The following BLTP3B variants were observed in gnomAD, a reference collection of about 807,000 sequenced individuals.
The protein encoded by BLTP3B is bridge-like lipid transfer protein family member 3B.
chr12:100,083,038 A>C, the BLTP3B span: 1 of 1,613,532 alleles, frequency 6.2e-7, no homozygotes, highest in Non-Finnish European at 8.5e-7. Context: ...GAAATCTGCA[A>C]GTCTAACCAC....
the BLTP3B span, among the ~76,000 whole-genome samples, chr12:100,089,825 A>C: frequency 1.3e-5 from 2 of 152,176 alleles, no homozygotes; most frequent in South Asian, 4.1e-4. Flanking sequence ...CTCATCTTGA[A>C]TGGTAGTCCC....
chr12:100,135,506 T>G, the BLTP3B span, among the ~76,000 whole-genome samples: 1 of 152,040 alleles, frequency 6.6e-6, no homozygotes, highest in East Asian at 1.9e-4. Flanking sequence ...TGGCCTGAAG[T>G]GATCTGCCCG....
At chr12:100,089,631 C>T in the BLTP3B span, among the ~76,000 whole-genome samples, 3 of 152,140 alleles carry the variant, frequency 2.0e-5, no homozygotes, top group East Asian at 5.8e-4. Flanking sequence ...AATATGAACC[C>T]AATATATCTC....
At chr12:100,121,123 G>A in the BLTP3B span, among the ~76,000 whole-genome samples, 2 of 152,136 alleles carry the variant, frequency 1.3e-5, no homozygotes, top group African/African-American at 2.4e-5. Flanking sequence ...CGAGGTGGGC[G>A]GATCACCTGA....
At chr12:100,098,186 C>G in the BLTP3B span, among the ~76,000 whole-genome samples, 56 of 152,216 alleles carry the variant, frequency 3.7e-4, no homozygotes, top group Admixed American at 4.6e-4. Flanking sequence ...CCACTGCACT[C>G]CAGCCTGAGC....
the BLTP3B span, among the ~76,000 whole-genome samples, chr12:100,115,601 C>G: frequency 0.24 from 36,751 of 151,800 alleles, 6,144 homozygotes; most frequent in African/African-American, 0.47. Flanking sequence ...GAGACCTTGT[C>G]TCTACAAAAA....
the BLTP3B span, chr12:100,059,680 C>T: frequency 8.8e-7 from 1 of 1,138,886 alleles, no homozygotes; most frequent in Admixed American, 3.1e-5. Context: ...ACTAACTCTT[C>T]CCCTCAAATC....
chr12:100,097,462 T>A, the BLTP3B span: 1 of 1,613,118 alleles, frequency 6.2e-7, no homozygotes, highest in South Asian at 1.1e-5. Flanking sequence ...GGCATCTGCC[T>A]CTATTCTTAT....
At chr12:100,096,754 G>C in the BLTP3B span, among the ~76,000 whole-genome samples, 1 of 151,956 alleles carries the variant, frequency 6.6e-6, no homozygotes, top group Non-Finnish European at 1.5e-5. Context: ...CCAGGAGTTC[G>C]AGGCTGCAGT....
chr12:100,048,326 A>G, the BLTP3B span: 8 of 920,046 alleles, frequency 8.7e-6, no homozygotes, highest in African/African-American at 5.1e-5. Flanking sequence ...TCTATAGTAC[A>G]TATACAATAT....
the BLTP3B span, chr12:100,086,371 A>G: frequency 4.2e-6 from 2 of 471,224 alleles, no homozygotes; most frequent in South Asian, 1.7e-5. Flanking sequence ...GGGAAAAAAA[A>G]AGGGGGGGGG....
At chr12:100,122,119 A>C in the BLTP3B span, among the ~76,000 whole-genome samples, 2 of 152,148 alleles carry the variant, frequency 1.3e-5, no homozygotes, top group Non-Finnish European at 2.9e-5. Flanking sequence ...ATAAAATAAA[A>C]TAAATGAACT....
the BLTP3B span, among the ~76,000 whole-genome samples, chr12:100,077,465 T>C: frequency 6.6e-6 from 1 of 152,226 alleles, no homozygotes; most frequent in Non-Finnish European, 1.5e-5. Context: ...CATTGGCACT[T>C]CTGACGTTTT....
the BLTP3B span, chr12:100,050,212 A>G: frequency 6.3e-7 from 1 of 1,596,738 alleles, no homozygotes; most frequent in Non-Finnish European, 8.5e-7. Context: ...GATATTGCCT[A>G]ATTGGTCTGG....
At chr12:100,125,406 T>C in the BLTP3B span, among the ~76,000 whole-genome samples, 1 of 151,438 alleles carries the variant, frequency 6.6e-6, no homozygotes, top group East Asian at 1.9e-4. Flanking sequence ...TCTCAACACT[T>C]TGGGAGGCCC....
the BLTP3B span, among the ~76,000 whole-genome samples, chr12:100,041,675 T>TC: frequency 6.6e-6 from 1 of 152,024 alleles, no homozygotes; most frequent in South Asian, 2.1e-4. Flanking sequence ...GACCTGGTGA[T>TC]CCACCCGCCT....
the BLTP3B span, among the ~76,000 whole-genome samples, chr12:100,140,173 C>T: frequency 6.6e-6 from 1 of 152,224 alleles, no homozygotes; most frequent in Non-Finnish European, 1.5e-5. Context: ...TTGTCAATTA[C>T]GAGCTGCCTT....
chr12:100,048,771 AGTGTGTGT>A, the BLTP3B span, among the ~76,000 whole-genome samples: 1,384 of 115,006 alleles, frequency 0.012, 27 homozygotes, highest in African/African-American at 0.039. Context: ...AGTGAGAGTG[AGTGTGTGT>A]GTGTGTGTGT....
the BLTP3B span, chr12:100,128,733 G>A: frequency 7.8e-7 from 1 of 1,287,132 alleles, no homozygotes; most frequent in South Asian, 1.2e-5. Context: ...ACGCTGCAGG[G>A]AATGGGTACA....
Sources: allele counts gnomAD v4.1 joint callset (sites outside exome capture counted in the v4.1 genomes callset), GRCh38; gene constraint gnomAD v4.1.1; transcripts MANE v1.5; gene names NCBI Gene and HGNC (gene_info 2026-07-23, HGNC 2026-07-21).